GRAMD1B: variants seen among roughly 807,000 people sequenced by gnomAD.
GRAMD1B encodes the protein protein Aster-B.
GRAMD1B carries 37 observed loss-of-function variants against 99.7 expected under a neutral mutation model. The ratio of observed to expected loss-of-function variants is 0.37; its 90% CI spans 0.29 to 0.49. The LOEUF (loss-of-function observed/expected upper bound fraction) is 0.49. GRAMD1B is among the 20% of genes least tolerant of loss of function. The probability of loss-of-function intolerance (pLI) is 0.98; values close to 1 mark genes in which losing one functional copy is unlikely to be tolerated. For missense variants in GRAMD1B, 888 were observed against 1,009.2 expected (o/e 0.88, Z 1.63); for synonymous variants, 427 against 387.6 (o/e 1.10, Z -1.19).
upstream of GRAMD1B, among the ~76,000 whole-genome samples, chr11:123,430,050 T>C (rs1004338485): frequency 6.6e-6 from 1 of 151,830 alleles, no homozygotes; most frequent in Non-Finnish European, 1.5e-5. Context: ...TGGCCAATCG[T>C]TGCCCTGAGA....
chr11:123,562,117 G>A (rs1946837430), intron 2 of GRAMD1B, among the ~76,000 whole-genome samples: 1 of 152,172 alleles, frequency 6.6e-6, no homozygotes, highest in Admixed American at 6.5e-5. Context: ...CGGGATCTGA[G>A]GTGGGAGGAT....
chr11:123,535,237 A>G (rs1943839377), intron 2 of GRAMD1B, among the ~76,000 whole-genome samples: 1 of 130,062 alleles, frequency 7.7e-6, no homozygotes, highest in African/African-American at 2.7e-5. Flanking sequence ...TGAGCTTTCC[A>G]TTTAAAAAAA....
At chr11:123,526,474 C>T (rs755361635) in intron 2 of GRAMD1B, among the ~76,000 whole-genome samples, 25 of 152,164 alleles carry the variant, frequency 1.6e-4, no homozygotes, top group Non-Finnish European at 3.2e-4. Flanking sequence ...GAGTGGTGCG[C>T]ACAGAGGGAA....
At chr11:123,606,510 G>A (rs768863090) in intron 10 of GRAMD1B, 99 bp from the exon 11 acceptor site, 1 of 1,051,936 alleles carries the variant, frequency 9.5e-7, no homozygotes, top group African/African-American at 1.6e-5. Context: ...AGCTGAGCTG[G>A]GAGTATGAGA....
At chr11:123,380,784 C>T (rs1455579145) in intron 1 of GRAMD1B, among the ~76,000 whole-genome samples, 1 of 152,206 alleles carries the variant, frequency 6.6e-6, no homozygotes, top group African/African-American at 2.4e-5. Context: ...GTTGCTTACA[C>T]ATGCTAGTGC....
intron 2 of GRAMD1B, among the ~76,000 whole-genome samples, chr11:123,571,535 C>T (rs1028336004): frequency 1.3e-5 from 2 of 152,104 alleles, no homozygotes; most frequent in Non-Finnish European, 2.9e-5. Flanking sequence ...TGTTTGCTAG[C>T]AAGGTAACCA....
rs1002598030 is a variant in GRAMD1B at position 123,550,027 on chromosome 11, A to G, written c.453-27340A>G. Among the ~76,000 whole-genome samples, 4 of 152,190 alleles carry G rather than the reference A, an allele frequency of 2.6e-5. No individual in the cohort carries two copies. In the South Asian group the frequency reaches 6.2e-4, roughly 24 times the overall value. On this transcript the variant is annotated intron_variant, in intron 2 of 19. Coordinates refer to ENST00000635736, the MANE Select transcript of GRAMD1B (RefSeq NM_001387025.1). ...CAGCCTCTCAAAGCAGTGTGGGCCA[A>G]CTGCAGAAAGCCAGGCACCAGACAG...
intron 1 of GRAMD1B, among the ~76,000 whole-genome samples, chr11:123,390,631 G>A (rs1203545584): frequency 6.6e-6 from 1 of 152,200 alleles, no homozygotes; most frequent in Admixed American, 6.5e-5. Flanking sequence ...TAGAATATAT[G>A]TCAAATACAA....
intron 1 of GRAMD1B, among the ~76,000 whole-genome samples, chr11:123,442,776 A>C (rs992355054): frequency 6.6e-5 from 10 of 152,182 alleles, no homozygotes; most frequent in Non-Finnish European, 1.2e-4. Flanking sequence ...CTCAGAAAAA[A>C]AAAGTAAAGG....
rs774631746 is a variant in GRAMD1B, at chr11:123,618,799, A to G, written c.2425A>G (p.Arg809Gly). Residue 809 changes from arginine to glycine, a missense_variant and splice_region_variant, in exon 18 of 20, where the codon AGG (arginine) becomes GGG (glycine). Arg to Gly is a moderately radical substitution (Grantham distance 125, BLOSUM62 -2). Transcript: ENST00000635736. Reference sequence around the variant, plus strand: ...CTGGCAGGGTCTAAGGCTCCAAGAAAGGTAATCCTGGCCTCGTCCCCTCAC... The same window carrying G: ...CTGGCAGGGTCTAAGGCTCCAAGAAGGGTAATCCTGGCCTCGTCCCCTCAC... Reference protein sequence around the residue: ...TAWQGLRLQERLPQSQTEWAQ... With the variant: ...TAWQGLRLQEGLPQSQTEWAQ... 3 of 1,494,250 alleles carry G rather than the reference A, an allele frequency of 2.0e-6. No homozygotes were observed. Among genetic ancestry groups the G allele is most frequent in the South Asian group, 2.4e-5 (2 of 83,682 alleles). 92.6% of individuals were successfully genotyped at this position (1,494,250 alleles called of 1,614,324 possible). A position where few individuals can be genotyped will look rare whatever the true frequency, so the allele number is the denominator to read the frequency against.
intron 1 of GRAMD1B, among the ~76,000 whole-genome samples, chr11:123,413,242 C>T (rs1414915730): frequency 6.6e-6 from 1 of 152,202 alleles, no homozygotes; most frequent in East Asian, 1.9e-4. Flanking sequence ...TTCCTGCTCT[C>T]CAAACCAACA....
intron 1 of GRAMD1B, among the ~76,000 whole-genome samples, chr11:123,413,509 C>G (rs1948122630): frequency 2.4e-5 from 3 of 123,294 alleles, no homozygotes; most frequent in Admixed American, 2.3e-4. Flanking sequence ...TCCATTTGCC[C>G]ATATTTTTTT....
In GRAMD1B at chr11:123,510,011, C is replaced by G. The variant is rs928814307; in HGVS notation, c.452+29118C>G. 1.3e-5 allele frequency: 2 copies of G among 152,260 alleles called. No individual in the cohort carries two copies. The highest frequency in any genetic ancestry group is 4.8e-5 in the African/African-American group (2 of 41,446). 9.4% of individuals were successfully genotyped at this position (152,260 alleles called of 1,614,324 possible). A position where few individuals can be genotyped will look rare whatever the true frequency, so the allele number is the denominator to read the frequency against. The stretch of plus-strand genomic sequence containing the variant: ...GCCCGCTCCTGGCTCCTGTGTAGGC[C>G]TCAGTCAGTCTGAATGTTATTGCAA... On this transcript the variant is annotated intron_variant, in intron 2 of 19. Coordinates refer to ENST00000635736, the MANE Select transcript of GRAMD1B (RefSeq NM_001387025.1). The surrounding 1 kb of genome is among the most constrained non-coding windows in gnomAD (Gnocchi z 4.3).
intron 7 of GRAMD1B, chr11:123,597,932 A>G (rs1565439169): frequency 9.3e-7 from 1 of 1,071,118 alleles, no homozygotes; most frequent in East Asian, 2.4e-5. Flanking sequence ...GCTGAGCTAC[A>G]TCCCTGAACA....
chr11:123,500,054 G>T (rs1243577352), intron 2 of GRAMD1B, among the ~76,000 whole-genome samples: 1 of 152,154 alleles, frequency 6.6e-6, no homozygotes, highest in Non-Finnish European at 1.5e-5. Context: ...TTGGCCGGAC[G>T]CAGTGGCTCA....
chr11:123,374,379 C>A (rs1946626297), intron 1 of GRAMD1B, among the ~76,000 whole-genome samples: 1 of 152,186 alleles, frequency 6.6e-6, no homozygotes, highest in South Asian at 2.1e-4. Context: ...AACCCTGTCT[C>A]TGTTGAACTT....
At chr11:123,577,684 G>C in intron 3 of GRAMD1B, 107 bp downstream of exon 3, 1 of 792,110 alleles carries the variant, frequency 1.3e-6, no homozygotes, top group South Asian at 1.6e-5. Flanking sequence ...GTGATGAACA[G>C]CCCTGATGGC....
chr11:123,379,931 G>T (rs895897398), intron 1 of GRAMD1B, among the ~76,000 whole-genome samples: 1 of 152,150 alleles, frequency 6.6e-6, no homozygotes, highest in South Asian at 2.1e-4. Context: ...GTATTTCCCT[G>T]ATGGCTCATG....
intron 3 of GRAMD1B, among the ~76,000 whole-genome samples, chr11:123,580,207 G>T (rs551814689): frequency 5.8e-4 from 89 of 152,332 alleles, no homozygotes; most frequent in African/African-American, 2.1e-3. Flanking sequence ...ACGTGCATGT[G>T]CAGGACACAC....
Sources: gnomAD v4.1 joint callset for allele counts (sites outside exome capture counted in the v4.1 genomes callset) on GRCh38, gnomAD v4.1.1 for gene constraint, Gnocchi (gnomAD v3.1) non-coding constraint, MANE v1.5 for transcripts, NCBI Gene and HGNC (gene_info 2026-07-23, HGNC 2026-07-21) for gene names.